SLIT3: variants seen among roughly 807,000 people sequenced by gnomAD.
SLIT3 encodes slit guidance ligand 3, also known as slit homolog 3 protein.
In SLIT3, 68 loss-of-function variants were observed where a neutral mutation model predicts 184.0. That is an observed-to-expected ratio of 0.37 (90% CI 0.30 to 0.45). SLIT3 has a LOEUF of 0.45. SLIT3 is among the 20% of genes least tolerant of loss of function. The probability of loss-of-function intolerance (pLI) is 1.00; values close to 1 mark genes in which losing one functional copy is unlikely to be tolerated. For synonymous variants in SLIT3, 831 were observed against 828.6 expected, an observed-to-expected ratio of 1.00 and a Z score of -0.05; for missense variants, 1,707 against 2,026.0, an observed-to-expected ratio of 0.84 and a Z score of 3.02.
chr5:169,063,165 C>T (rs772693869), intron 4 of SLIT3, among the ~76,000 whole-genome samples: 4 of 152,140 alleles, frequency 2.6e-5, no homozygotes, highest in African/African-American at 7.2e-5. Flanking sequence ...ATTGAGCCCC[C>T]GTGCCAGCCC....
At chr5:169,091,614 C>T (rs1436337859) in intron 4 of SLIT3, among the ~76,000 whole-genome samples, 1 of 152,178 alleles carries the variant, frequency 6.6e-6, no homozygotes, top group African/African-American at 2.4e-5. Flanking sequence ...CCTCACTGTG[C>T]AGTCGTCAAG....
intron 5 of SLIT3, among the ~76,000 whole-genome samples, chr5:168,873,052 C>T (rs1333538210): frequency 1.3e-5 from 2 of 152,146 alleles, no homozygotes; most frequent in African/African-American, 2.4e-5. Flanking sequence ...GCCAGAAATG[C>T]TTTTCCAACA....
At chr5:168,931,062 C>T (rs1761974112) in intron 4 of SLIT3, among the ~76,000 whole-genome samples, 1 of 152,180 alleles carries the variant, frequency 6.6e-6, no homozygotes, top group Admixed American at 6.5e-5. Context: ...CCCGGCCCAA[C>T]ACCCTCCTGG....
intron 4 of SLIT3, among the ~76,000 whole-genome samples, chr5:168,916,014 G>A (rs1042051270): frequency 1.3e-5 from 2 of 152,188 alleles, no homozygotes; most frequent in Admixed American, 6.5e-5. Flanking sequence ...TGTGCACAAC[G>A]TGCAGGTTTG....
chr5:169,239,830 A>C (rs1765333168), intron 3 of SLIT3, among the ~76,000 whole-genome samples: 1 of 152,044 alleles, frequency 6.6e-6, no homozygotes, highest in African/African-American at 2.4e-5. Flanking sequence ...TGTAAGGAGG[A>C]TATTTTAATC....
chr5:168,789,763 T>A, intron 10 of SLIT3, 132 bp from the exon 11 acceptor site: 1 of 690,730 alleles, frequency 1.4e-6, no homozygotes, highest in African/African-American at 1.8e-5. Context: ...ATTCATTTAC[T>A]CATAGTGCAA....
At chr5:168,932,758 G>A (rs1762033313) in intron 4 of SLIT3, among the ~76,000 whole-genome samples, 1 of 152,198 alleles carries the variant, frequency 6.6e-6, no homozygotes, top group African/African-American at 2.4e-5. Context: ...TGCCCCGTAG[G>A]GCTTCTGTGA....
chr5:169,144,937 G>C (rs1160859539), intron 4 of SLIT3, among the ~76,000 whole-genome samples: 1 of 152,194 alleles, frequency 6.6e-6, no homozygotes, highest in Admixed American at 6.5e-5. Flanking sequence ...CTGCCAGGGA[G>C]CACCTTTTAC....
chr5:168,990,155 A>C (rs1285859053), intron 4 of SLIT3, among the ~76,000 whole-genome samples: 1 of 152,188 alleles, frequency 6.6e-6, no homozygotes, highest in African/African-American at 2.4e-5. Flanking sequence ...TTTCTACATC[A>C]GGGTCCATCA....
chr5:168,711,427 G>A lies in SLIT3; in HGVS notation c.2556-369C>T, dbSNP rs549470262. On this transcript the variant is annotated intron_variant, in intron 24 of 35. Transcript: ENST00000519560. The stretch of plus-strand genomic sequence containing the variant: ...GGTCCACTGGAGGATATACTCTGCA[G>A]AGAAGGTTCTGAAACCCAGCAACCT... Among the ~76,000 whole-genome samples the A allele has an allele frequency of 2.3e-4, 35 of 152,254 alleles. No homozygotes were observed. The East Asian group carries it at 6.6e-3, about 29-fold the overall frequency.
chr5:169,118,483 C>T (rs768311664), intron 4 of SLIT3, among the ~76,000 whole-genome samples: 8 of 152,250 alleles, frequency 5.3e-5, no homozygotes, highest in Non-Finnish European at 8.8e-5. Context: ...ACCAAGAAAG[C>T]GAAAGAAAAT....
chr5:169,103,791 G>C (rs892226609), intron 4 of SLIT3, among the ~76,000 whole-genome samples: 2 of 152,164 alleles, frequency 1.3e-5, no homozygotes, highest in African/African-American at 4.8e-5. Flanking sequence ...CTCAGGCTGG[G>C]GCTCGCCACC....
chr5:168,989,076 T>G (rs1157153730), intron 4 of SLIT3, among the ~76,000 whole-genome samples: 1 of 152,186 alleles, frequency 6.6e-6, no homozygotes, highest in Non-Finnish European at 1.5e-5. Context: ...TGAATTCAAG[T>G]ATTTTATTAG....
chr5:168,901,203 A>G (rs1471157076), intron 4 of SLIT3, among the ~76,000 whole-genome samples: 1 of 152,130 alleles, frequency 6.6e-6, no homozygotes, highest in Non-Finnish European at 1.5e-5. Flanking sequence ...TACTAAAAAC[A>G]CAAAAACAAA....
At chr5:168,790,162 GTCTC>G in intron 10 of SLIT3, 1 of 153,328 alleles carries the variant, frequency 6.5e-6, no homozygotes, top group African/African-American at 2.4e-5. Flanking sequence ...AGTGACTTAA[GTCTC>G]TGTCTGGTCT....
intron 4 of SLIT3, among the ~76,000 whole-genome samples, chr5:169,094,110 G>C (rs1759688238): frequency 6.6e-6 from 1 of 152,164 alleles, no homozygotes; most frequent in African/African-American, 2.4e-5. Context: ...ATTGGTCCAA[G>C]ATCACACAGC....
intron 4 of SLIT3, among the ~76,000 whole-genome samples, chr5:168,992,759 A>G (rs1481687777): frequency 6.6e-6 from 1 of 152,338 alleles, no homozygotes; most frequent in Non-Finnish European, 1.5e-5. Context: ...ACATTGCTCT[A>G]AATGAATCTG....
chr5:169,292,440 T>C (rs946750310), intron 1 of SLIT3, among the ~76,000 whole-genome samples: 2 of 152,104 alleles, frequency 1.3e-5, no homozygotes, highest in Non-Finnish European at 2.9e-5. Flanking sequence ...TAATAGGAAA[T>C]TATTCCAGAG....
intron 4 of SLIT3, among the ~76,000 whole-genome samples, chr5:168,952,571 T>TAAAAA (rs70979115): frequency 1.7e-4 from 9 of 51,732 alleles, no homozygotes; most frequent in South Asian, 6.1e-4. Context: ...CAAAGGGATT[T>TAAAAA]AAAAAAAAAA....
Sources: gnomAD v4.1 joint callset for allele counts (sites outside exome capture counted in the v4.1 genomes callset) on GRCh38, gnomAD v4.1.1 for gene constraint, MANE v1.5 for transcripts, NCBI Gene and HGNC (gene_info 2026-07-23, HGNC 2026-07-21) for gene names.